The following MTFR2 variants were observed in gnomAD, a reference collection of about 807,000 sequenced individuals.
The protein encoded by MTFR2 is mitochondrial fission regulator 2.
MTFR2 carries 44 observed loss-of-function variants against 41.2 expected under a neutral mutation model. The ratio of observed to expected loss-of-function variants is 1.07; its 90% CI spans 0.84 to 1.37. MTFR2 has a LOEUF of 1.37. Among genes scored for constraint, MTFR2 ranks in the 40% most tolerant of loss-of-function variants. MTFR2 has a pLI of 0.00. For synonymous variants in MTFR2, 141 were observed against 154.6 expected (o/e 0.91, Z 0.65); for missense variants, 452 against 459.5 (o/e 0.98, Z 0.15).
chr6:136,233,300 T>A, intron 7 of MTFR2, 25 bp downstream of exon 7: 10 of 1,598,218 alleles, frequency 6.3e-6, no homozygotes, highest in Non-Finnish European at 7.7e-6. Flanking sequence ...AACTGAAAAA[T>A]TAATTTTACA....
At chr6:136,232,608 T>C (rs1197162612) in intron 7 of MTFR2, among the ~76,000 whole-genome samples, 3 of 152,168 alleles carry the variant, frequency 2.0e-5, no homozygotes, top group Non-Finnish European at 4.4e-5. Flanking sequence ...TCTGCTGACG[T>C]CTGTCCTTCC....
chr6:136,245,551 T>C (rs770600695), intron 2 of MTFR2, among the ~76,000 whole-genome samples: 3 of 152,140 alleles, frequency 2.0e-5, no homozygotes, highest in Non-Finnish European at 4.4e-5. Context: ...AATTGGACAT[T>C]TTTCCTAAGA....
intron 7 of MTFR2, 47 bp downstream of exon 7, chr6:136,233,278 A>T: frequency 6.5e-7 from 1 of 1,529,136 alleles, no homozygotes; most frequent in South Asian, 1.2e-5. Context: ...CATAAACAAC[A>T]CATCTGAGAA....
At position 136,241,429 on chromosome 6, in the gene MTFR2, C is replaced by T; in HGVS notation, c.514+15G>A. Reference sequence around the variant, plus strand: ...AGTATCATCTAACTGAAACAAAAATCCTACTGTTACTTACTAGAATTTGTA... The same window carrying T: ...AGTATCATCTAACTGAAACAAAAATTCTACTGTTACTTACTAGAATTTGTA... On this transcript the variant is annotated intron_variant, in intron 5 of 7. Transcript: ENST00000420702. 6 of 1,596,028 alleles carry T rather than the reference C, an allele frequency of 3.8e-6. No individual in the cohort carries two copies. Among genetic ancestry groups the T allele is most frequent in the Non-Finnish European group, 4.3e-6 (5 of 1,168,390 alleles).
chr6:136,242,826 A>C (rs763716888), intron 4 of MTFR2, 35 bp downstream of exon 4: 2 of 1,517,446 alleles, frequency 1.3e-6, no homozygotes, highest in Non-Finnish European at 1.8e-6. Context: ...AATTCAGTTT[A>C]TAGCCCACTT....
rs561236270 is a variant in MTFR2 at position 136,241,649 on chromosome 6, C to T, written c.309G>A (p.Glu103=). ...FRNSIWKNEE[E]KVEIFHPLRL... ...GCAAAGGATGAAAAATTTCCACTTT[C>T]TCTTCTTCATTTTTCCATATACTAT... Residue 103 remains glutamate (E), a synonymous_variant, in exon 5 of 8, where the codon GAG becomes GAA. Coordinates refer to ENST00000420702, the MANE Select transcript of MTFR2 (RefSeq NM_001099286.3). 2.4e-5 allele frequency: 39 copies of T among 1,612,526 alleles called. No homozygotes were observed. Among genetic ancestry groups the T allele is most frequent in the Non-Finnish European group, 3.1e-5 (37 of 1,179,696 alleles).
chr6:136,239,458 C>A lies in MTFR2; in HGVS notation c.869+8G>T. 1 of 1,565,998 alleles carries A rather than the reference C, an allele frequency of 6.4e-7. No homozygotes were observed. Among genetic ancestry groups the A allele is most frequent in the East Asian group, 2.3e-5 (1 of 44,040 alleles). On this transcript the variant is annotated splice_region_variant and intron_variant, in intron 6 of 7. Coordinates refer to ENST00000420702, the MANE Select transcript of MTFR2 (RefSeq NM_001099286.3). ...TTTCAGTTCACTTTTCAAATTACAA[C>A]AACATACCGCTCAATTGCACGAAGC... is the stretch of plus-strand genomic sequence containing the variant.
At chr6:136,236,864 C>T (rs77064851) in intron 6 of MTFR2, among the ~76,000 whole-genome samples, 5,525 of 152,194 alleles carry the variant, frequency 0.036, 364 homozygotes, top group African/African-American at 0.12. Context: ...CTTGTGAAAT[C>T]CTACTAAAAT....
At chr6:136,245,469 G>A (rs1005593277) in intron 2 of MTFR2, among the ~76,000 whole-genome samples, 3 of 152,070 alleles carry the variant, frequency 2.0e-5, no homozygotes, top group African/African-American at 4.8e-5. Flanking sequence ...TTTAGTGTGG[G>A]CTTCCCAAAT....
chr6:136,231,208 GT>G lies in MTFR2; in HGVS notation c.*66del, dbSNP rs895170959. 3 of 1,070,690 alleles carry G rather than the reference GT, an allele frequency of 2.8e-6. No homozygotes were observed. The highest frequency in any genetic ancestry group is 4.2e-6 in the Non-Finnish European group (3 of 715,110). 66.3% of individuals were successfully genotyped at this position (1,070,690 alleles called of 1,614,324 possible). On this transcript the variant is annotated 3_prime_UTR_variant, in exon 8 of 8. Transcript: ENST00000420702. Reference sequence around the variant, plus strand: ...TTTTAGCCTTTAACAGTCCAAATCAGTTTCTAAGAATAATTTATCATCCAGG... The same window carrying G: ...TTTTAGCCTTTAACAGTCCAAATCAGTTCTAAGAATAATTTATCATCCAGG...
chr6:136,240,454 C>T (rs1780025783), intron 5 of MTFR2, among the ~76,000 whole-genome samples: 1 of 151,512 alleles, frequency 6.6e-6, no homozygotes, highest in African/African-American at 2.4e-5. Context: ...TGTATTTATG[C>T]ATTTGTATAT....
intron 6 of MTFR2, among the ~76,000 whole-genome samples, chr6:136,237,608 A>G (rs920078959): frequency 6.6e-6 from 1 of 152,072 alleles, no homozygotes; most frequent in African/African-American, 2.4e-5. Context: ...TCAGGAGTTC[A>G]TGACCAGCCT....
In MTFR2 at chr6:136,239,781, T is replaced by C; in HGVS notation, c.554A>G (p.Gln185Arg). 6.2e-7 allele frequency: 1 copy of C among 1,613,480 alleles called. No individual in the cohort carries two copies. Among genetic ancestry groups the C allele is most frequent in the African/African-American group, 1.3e-5 (1 of 75,016 alleles). Reference protein sequence around the residue: ...GLSDERISLGQLSSSRAAHLS... With the variant: ...GLSDERISLGRLSSSRAAHLS... ...ATGGGCAGCCCGCGATGATGACAGC[T>C]GACCCAAACTAATGCGCTCGTCACT... The change falls in exon 6 of 8, where the codon CAG (glutamine) becomes CGG (arginine). Residue 185 changes from glutamine (Q) to arginine (R), a missense_variant. Coordinates refer to ENST00000420702, the MANE Select transcript of MTFR2 (RefSeq NM_001099286.3).
intron 2 of MTFR2, among the ~76,000 whole-genome samples, chr6:136,246,565 G>A (rs1030922683): frequency 1.3e-5 from 2 of 151,742 alleles, no homozygotes; most frequent in African/African-American, 4.8e-5. Context: ...TTACAGGGGC[G>A]ACCCACCACA....
intron 6 of MTFR2, among the ~76,000 whole-genome samples, chr6:136,235,850 T>A (rs553563219): frequency 6.6e-6 from 1 of 152,142 alleles, no homozygotes; most frequent in East Asian, 1.9e-4. Context: ...GAGAATCACT[T>A]GAATCCAGGA....
In MTFR2 at chr6:136,242,131, T is replaced by C. The variant is rs144980695; in HGVS notation, c.282-455A>G. 2.6e-3 allele frequency among the ~76,000 whole-genome samples: 395 copies of C among 150,338 alleles called. 2 individuals are homozygous for C. Among genetic ancestry groups the C allele is most frequent in the African/African-American group, 9.3e-3 (379 of 40,962 alleles). ...AAACCTACTCTCTATCCCCCATGAT[T>C]GTTTCTAGAGTCACCACTGAGGACA... On this transcript the variant is annotated intron_variant, in intron 4 of 7. Transcript: ENST00000420702.
intron 6 of MTFR2, among the ~76,000 whole-genome samples, chr6:136,234,583 G>GGGCT (rs965056367): frequency 6.6e-6 from 1 of 152,160 alleles, no homozygotes; most frequent in African/African-American, 2.4e-5. Context: ...AGAGAAGTGA[G>GGGCT]GGCTGGCTCC....
intron 6 of MTFR2, 135 bp downstream of exon 6, chr6:136,239,329 TTA>T (rs984541413): frequency 1.8e-6 from 1 of 565,816 alleles, no homozygotes; most frequent in African/African-American, 1.9e-5. Flanking sequence ...TTGAATGTCA[TTA>T]TCTCTAGGAG....
At chr6:136,244,605 A>G (rs1583973289) in intron 3 of MTFR2, among the ~76,000 whole-genome samples, 160 bp downstream of exon 3, 2 of 152,234 alleles carry the variant, frequency 1.3e-5, no homozygotes, top group African/African-American at 4.8e-5. Context: ...AATAAACAAA[A>G]ACACAAAAAC....
Sources: allele counts gnomAD v4.1 joint callset (sites outside exome capture counted in the v4.1 genomes callset), GRCh38; gene constraint gnomAD v4.1.1; transcripts MANE v1.5; gene names NCBI Gene and HGNC (gene_info 2026-07-23, HGNC 2026-07-21).